Variants in TLK1 observed in about 807,000 individuals in gnomAD.
TLK1 encodes the protein serine/threonine-protein kinase tousled-like 1.
A neutral mutation model predicts 105.3 loss-of-function variants in TLK1; 24 were observed. The ratio of observed to expected loss-of-function variants is 0.23; its 90% CI spans 0.17 to 0.32. The LOEUF is 0.32. TLK1 is among the 10% of genes least tolerant of loss of function. TLK1 has a pLI of 1.00. For synonymous variants in TLK1, 321 were observed against 310.4 expected (o/e 1.03, Z -0.36); for missense variants, 558 against 910.5 (o/e 0.61, Z 4.98).
intron 4 of TLK1, chr2:171,060,048 G>C (rs1348632141): frequency 2.5e-6 from 4 of 1,599,092 alleles, no homozygotes; most frequent in East Asian, 2.3e-5. Flanking sequence ...CCAAAGGAAG[G>C]GGGGAAAAAA....
At chr2:171,130,174 C>T (rs934930235) in intron 1 of TLK1, among the ~76,000 whole-genome samples, 4 of 152,188 alleles carry the variant, frequency 2.6e-5, no homozygotes, top group East Asian at 1.9e-4. Flanking sequence ...GAGGCTGAGG[C>T]GGGCAGATCA....
rs527308211 is a variant in TLK1, at chr2:171,071,145, T to C, written c.331-9989A>G. Among the ~76,000 whole-genome samples the C allele has an allele frequency of 3.9e-5, 6 of 152,318 alleles. No homozygotes were observed. In the East Asian group the frequency reaches 5.8e-4, roughly 15 times the overall value. On this transcript the variant is annotated intron_variant, in intron 3 of 20. Coordinates refer to ENST00000431350, the MANE Select transcript of TLK1 (RefSeq NM_012290.5). ...ATCATATGTTTTCCTACAGAGTTGT[T>C]TGAGCTCCTCATATATTCTAGTTAT...
chr2:171,021,356 T>A (rs1027003807), intron 12 of TLK1, among the ~76,000 whole-genome samples: 1 of 151,736 alleles, frequency 6.6e-6, no homozygotes, highest in Non-Finnish European at 1.5e-5. Flanking sequence ...CCAAGCCTGA[T>A]CACACACAGG....
At chr2:171,025,014 A>G (rs749053914) in intron 12 of TLK1, among the ~76,000 whole-genome samples, 15 of 152,332 alleles carry the variant, frequency 9.8e-5, no homozygotes, top group East Asian at 1.9e-4. Context: ...GAGAAAACTA[A>G]TAAGTCCATA....
Position 171,055,146 on chromosome 2 carries a change from A to C in TLK1, c.576T>G (p.Thr192=), listed in dbSNP as rs1159823363. The change falls in exon 7 of 21, where the codon ACT becomes ACG. Residue 192 remains threonine (T), a synonymous_variant. Coordinates refer to ENST00000431350, the MANE Select transcript of TLK1 (RefSeq NM_012290.5). ...TAGGGTGGTCCCCAAATGCTAATGC[A>C]GTAGGAGAAGGGCTATTCGGTCGAA... ...SSVRPNSPSP[T]ALAFGDHPIV... The C allele has an allele frequency of 6.7e-7, 1 of 1,495,572 alleles. No individual in the cohort carries two copies. The highest frequency in any genetic ancestry group is 8.9e-7 in the Non-Finnish European group (1 of 1,128,658). The allele number at this position is 1,495,572 out of a possible 1,614,324, so 92.6% of individuals were successfully genotyped here.
chr2:171,133,744 G>C (rs1453645108), intron 1 of TLK1, among the ~76,000 whole-genome samples: 3 of 150,320 alleles, frequency 2.0e-5, no homozygotes, highest in Admixed American at 6.7e-5. Context: ...GGAGCAACAT[G>C]TTTCAGACTT....
In TLK1 at chr2:171,056,630, A is replaced by T. The variant is rs558234702; in HGVS notation, c.454-64T>A. 2.3e-4 allele frequency: 312 copies of T among 1,332,144 alleles called. 5 individuals carry two copies. In the South Asian group the frequency reaches 3.6e-3, roughly 15 times the overall value. The allele number at this position is 1,332,144 out of a possible 1,614,324, so 82.5% of individuals were successfully genotyped here. On this transcript the variant is annotated intron_variant, in intron 5 of 20. Transcript: ENST00000431350. ...GCAGGCTCAGACAGTTATTTCAGATATGACATTAAGAATTAATCTAAATAT... is the reference window on the plus strand; with the variant it reads ...GCAGGCTCAGACAGTTATTTCAGATTTGACATTAAGAATTAATCTAAATAT...
At chr2:171,157,800 A>G (rs879346258) in intron 1 of TLK1, among the ~76,000 whole-genome samples, 4 of 152,222 alleles carry the variant, frequency 2.6e-5, no homozygotes, top group Admixed American at 6.5e-5. Context: ...TTCATCACAT[A>G]GAATATTTAT....
At chr2:171,174,274 A>G (rs1692780103) in intron 1 of TLK1, among the ~76,000 whole-genome samples, 1 of 152,040 alleles carries the variant, frequency 6.6e-6, no homozygotes, top group South Asian at 2.1e-4. Flanking sequence ...GCCTTCCTCC[A>G]GCTTGGAATT....
intron 18 of TLK1, 46 bp from the exon 19 acceptor site, chr2:170,997,869 T>C: frequency 3.4e-6 from 4 of 1,173,962 alleles, no homozygotes; most frequent in East Asian, 2.4e-5. Context: ...TGACAATCTG[T>C]AACTTAAAAT....
intron 3 of TLK1, among the ~76,000 whole-genome samples, chr2:171,073,876 C>G (rs1558925569): frequency 1.1e-5 from 1 of 89,974 alleles, no homozygotes; most frequent in African/African-American, 3.0e-5. Flanking sequence ...TAACATTCCC[C>G]CCCCCCCTCC....
rs71401403 is a variant in TLK1 at position 171,101,346 on chromosome 2, C to CAAAAAAAAAAAA, written c.258+16381_258+16392dup. On this transcript the variant is annotated intron_variant, in intron 2 of 20. Coordinates refer to ENST00000431350, the MANE Select transcript of TLK1 (RefSeq NM_012290.5). ...GGACAACAAGAGTGAAACTCCGTCT[C>CAAAAAAAAAAAA]AAAAAAAAAAAAAAAAAAAGCCAGG... Among the ~76,000 whole-genome samples, 600 of 63,400 alleles carry CAAAAAAAAAAAA rather than the reference C, an allele frequency of 9.5e-3. 45 individuals are homozygous for CAAAAAAAAAAAA. The highest frequency in any genetic ancestry group is 0.036 in the African/African-American group (497 of 13,768). 41.6% of individuals were successfully genotyped at this position (63,400 alleles called of 152,430 possible). A position where few individuals can be genotyped will look rare whatever the true frequency, so the allele number is the denominator to read the frequency against.
intron 11 of TLK1, among the ~76,000 whole-genome samples, chr2:171,030,026 G>C (rs940492014): frequency 3.3e-5 from 5 of 152,170 alleles, no homozygotes; most frequent in Non-Finnish European, 5.9e-5. Flanking sequence ...GATTACAAGT[G>C]TGAGCCACCA....
chr2:171,047,490 G>C (rs1262918082), intron 10 of TLK1, among the ~76,000 whole-genome samples: 1 of 152,164 alleles, frequency 6.6e-6, no homozygotes, highest in African/African-American at 2.4e-5. Flanking sequence ...TATGGTTTTA[G>C]TGATAAAGTA....
upstream of TLK1, among the ~76,000 whole-genome samples, chr2:171,162,539 C>A (rs1692531424): frequency 6.6e-6 from 1 of 152,144 alleles, no homozygotes; most frequent in Non-Finnish European, 1.5e-5. Flanking sequence ...CTCCTAGACT[C>A]TGTCTCAAAA....
chr2:171,161,188 A>G (rs1452292790), upstream of TLK1, among the ~76,000 whole-genome samples: 1 of 148,574 alleles, frequency 6.7e-6, no homozygotes, highest in Non-Finnish European at 1.5e-5. Flanking sequence ...CGCCGGCCGG[A>G]GGGAGGCGCG....
At chr2:171,110,417 C>G (rs1690113219) in intron 2 of TLK1, among the ~76,000 whole-genome samples, 1 of 152,156 alleles carries the variant, frequency 6.6e-6, no homozygotes, top group South Asian at 2.1e-4. Context: ...TGCAGTGAGC[C>G]AAGGTTGTGC....
intron 13 of TLK1, among the ~76,000 whole-genome samples, chr2:171,011,780 T>G (rs1684927335): frequency 6.6e-6 from 1 of 152,150 alleles, no homozygotes; most frequent in Non-Finnish European, 1.5e-5. Context: ...CAAGAATCAC[T>G]TCTCTGGAAA....
chr2:171,012,023 T>C lies in TLK1; in HGVS notation c.1335-569A>G, dbSNP rs192292693. The stretch of plus-strand genomic sequence containing the variant: ...CCGTACTTGCCATATATAGGCTGAG[T>C]ATCCCTTATTGAAATACCTGGAACC... On this transcript the variant is annotated intron_variant, in intron 13 of 20. Transcript: ENST00000431350. Among the ~76,000 whole-genome samples, 288 of 152,196 alleles carry C rather than the reference T, an allele frequency of 1.9e-3. 1 individual carries two copies. Among genetic ancestry groups the C allele is most frequent in the African/African-American group, 5.9e-3 (245 of 41,524 alleles).
Sources: allele counts gnomAD v4.1 joint callset (sites outside exome capture counted in the v4.1 genomes callset), GRCh38; gene constraint gnomAD v4.1.1; transcripts MANE v1.5; gene names NCBI Gene and HGNC (gene_info 2026-07-23, HGNC 2026-07-21).